The following SCG3 variants were observed in gnomAD, a reference collection of about 807,000 sequenced individuals.
The protein encoded by SCG3 is secretogranin III, also known as secretogranin-3.
SCG3 carries 38 observed loss-of-function variants against 56.2 expected under a neutral mutation model. The ratio of observed to expected loss-of-function variants is 0.68; its 90% CI spans 0.52 to 0.89. The LOEUF is 0.89. SCG3 is among the 40% of genes least tolerant of loss of function. SCG3 has a pLI of 0.00. For missense variants in SCG3, 524 were observed against 540.7 expected (o/e 0.97, Z 0.31); for synonymous variants, 176 against 184.2 (o/e 0.96, Z 0.36).
At chr15:51,683,565 AG>A (rs2055209753) in intron 4 of SCG3, 131 bp downstream of exon 4, 1 of 572,716 alleles carries the variant, frequency 1.7e-6, no homozygotes, top group South Asian at 2.6e-5. Flanking sequence ...ATTGAGATAA[AG>A]CATATATTTA....
At chr15:51,698,069 C>A (rs2055315693) in intron 8 of SCG3, among the ~76,000 whole-genome samples, 1 of 152,126 alleles carries the variant, frequency 6.6e-6, no homozygotes, top group Admixed American at 6.5e-5. Context: ...CAAATGTTGC[C>A]AGGTATGGCC....
chr15:51,691,110 A>G (rs1263967172), intron 6 of SCG3, among the ~76,000 whole-genome samples: 1 of 152,228 alleles, frequency 6.6e-6, no homozygotes, highest in African/African-American at 2.4e-5. Flanking sequence ...AGAACCGAAG[A>G]TCAAATAGGA....
intron 11 of SCG3, among the ~76,000 whole-genome samples, chr15:51,718,198 A>C (rs1385829585): frequency 8.3e-6 from 1 of 121,134 alleles, no homozygotes; most frequent in Non-Finnish European, 1.7e-5. Context: ...AGATAGATAG[A>C]TAGACAGACA....
intron 10 of SCG3, among the ~76,000 whole-genome samples, chr15:51,709,807 G>A (rs1343025772): frequency 2.3e-5 from 3 of 131,288 alleles, no homozygotes; most frequent in South Asian, 2.6e-4. Flanking sequence ...TGCAAGCTCC[G>A]CCTCCCGGGT....
chr15:51,712,402 C>T (rs1446482316), intron 10 of SCG3, among the ~76,000 whole-genome samples: 1 of 152,166 alleles, frequency 6.6e-6, no homozygotes, highest in East Asian at 1.9e-4. Context: ...TGCTGACTCC[C>T]TAAGCTTTAG....
chr15:51,706,809 A>G (rs1014178589), intron 10 of SCG3, among the ~76,000 whole-genome samples: 1 of 152,206 alleles, frequency 6.6e-6, no homozygotes, highest in African/African-American at 2.4e-5. Context: ...ATGATGAAAA[A>G]TGATACATTC....
intron 10 of SCG3, chr15:51,708,137 T>TACCTCA (rs1219259208): frequency 6.6e-6 from 1 of 152,204 alleles, no homozygotes; most frequent in Non-Finnish European, 1.5e-5. Flanking sequence ...TGTGCTCTAT[T>TACCTCA]ACCTCAGCCA....
chr15:51,706,973 TCAAC>T (rs1459545073), intron 10 of SCG3, among the ~76,000 whole-genome samples: 2 of 152,212 alleles, frequency 1.3e-5, no homozygotes, highest in East Asian at 3.8e-4. Context: ...TATTCTAACT[TCAAC>T]CAAATCTATA....
At chr15:51,704,394 C>T (rs1176991985) in intron 10 of SCG3, among the ~76,000 whole-genome samples, 4 of 150,450 alleles carry the variant, frequency 2.7e-5, no homozygotes, top group Non-Finnish European at 4.4e-5. Flanking sequence ...GTTTCTGTAC[C>T]GTCACCACCA....
Position 51,689,382 on chromosome 15 carries a change from T to TATATGC in SCG3, c.690+23_690+28dup, listed in dbSNP as rs1198752030. On this transcript the variant is annotated intron_variant, in intron 6 of 11. Coordinates refer to ENST00000220478, the MANE Select transcript of SCG3 (RefSeq NM_013243.4). ...CCAGAGAAAGTGGTATGTATGTGTA[T>TATATGC]ATATGCATATGCATGGGGGTGTGTG... The TATATGC allele has an allele frequency of 6.2e-7, 1 of 1,602,868 alleles. No individual in the cohort carries two copies. The highest frequency in any genetic ancestry group is 8.5e-7 in the Non-Finnish European group (1 of 1,174,604).
At chr15:51,684,484 G>A (rs1024081141) in intron 4 of SCG3, among the ~76,000 whole-genome samples, 4 of 152,206 alleles carry the variant, frequency 2.6e-5, no homozygotes, top group African/African-American at 9.6e-5. Flanking sequence ...GGCTGAGGCA[G>A]GAGAATCACT....
chr15:51,684,592 A>G (rs2124588), intron 4 of SCG3, among the ~76,000 whole-genome samples: 3,227 of 152,194 alleles, frequency 0.021, 90 homozygotes, highest in East Asian at 0.094. Context: ...AACAAACAAA[A>G]CAGGAAAACC....
At chr15:51,700,997 A>T in intron 9 of SCG3, 110 bp from the exon 10 acceptor site, 2 of 1,404,432 alleles carry the variant, frequency 1.4e-6, no homozygotes, top group Non-Finnish European at 1.9e-6. Flanking sequence ...TCAACTCAAA[A>T]TATGATCTGA....
chr15:51,696,776 C>T (rs2055306177), intron 8 of SCG3, among the ~76,000 whole-genome samples: 1 of 152,106 alleles, frequency 6.6e-6, no homozygotes, highest in Non-Finnish European at 1.5e-5. Context: ...TGAGAATTCA[C>T]TCACTATCGG....
At position 51,683,100 on chromosome 15, in the gene SCG3, A is replaced by G. The variant is rs1157187581; in HGVS notation, c.157A>G (p.Lys53Glu). 1.2e-6 allele frequency: 2 copies of G among 1,610,526 alleles called. No homozygotes were observed. Among genetic ancestry groups the G allele is most frequent in the South Asian group, 1.1e-5 (1 of 90,756 alleles). Residue 53 changes from lysine (K) to glutamate (E), a missense_variant, in exon 3 of 12, where the codon AAG (lysine) becomes GAG (glutamate). Physicochemically the swap from Lys to Glu is moderately conservative, Grantham distance 56 (BLOSUM62 1). Coordinates refer to ENST00000220478, the MANE Select transcript of SCG3 (RefSeq NM_013243.4). Reference protein sequence around the residue: ...NEQIAEAEEDKIKKTYPPENK... With the variant: ...NEQIAEAEEDEIKKTYPPENK... ...ACAGATTGCTGAAGCAGAAGAAGACAAGATTAAAAAAACATATCCTCCAGG... is the reference window on the plus strand; with the variant it reads ...ACAGATTGCTGAAGCAGAAGAAGACGAGATTAAAAAAACATATCCTCCAGG...
At chr15:51,711,177 T>C (rs553367224) in intron 10 of SCG3, among the ~76,000 whole-genome samples, 3 of 152,348 alleles carry the variant, frequency 2.0e-5, no homozygotes, top group Non-Finnish European at 4.4e-5. Flanking sequence ...TCATCCGTCA[T>C]CAGTTGAAGG....
At chr15:51,683,535 CT>C (rs1361140263) in intron 4 of SCG3, 101 bp downstream of exon 4, 8 of 734,478 alleles carry the variant, frequency 1.1e-5, no homozygotes, top group Non-Finnish European at 1.7e-5. Context: ...ATTCATAATC[CT>C]TTATTAGTCA....
intron 4 of SCG3, among the ~76,000 whole-genome samples, chr15:51,687,845 C>A (rs1322739097): frequency 6.6e-6 from 1 of 152,100 alleles, no homozygotes; most frequent in African/African-American, 2.4e-5. Context: ...GGGGATATTA[C>A]CAAACTATCT....
Position 51,690,670 on chromosome 15 carries a change from T to C in SCG3, c.690+1302T>C, listed in dbSNP as rs139061081. 6.9e-3 allele frequency among the ~76,000 whole-genome samples: 1,043 copies of C among 151,970 alleles called. 15 individuals are homozygous for C. Among genetic ancestry groups the C allele is most frequent in the African/African-American group, 0.024 (978 of 41,472 alleles). On this transcript the variant is annotated intron_variant, in intron 6 of 11. Transcript: ENST00000220478. ...GATTTATCAAAAAAAAAAACCCTTATGACTTTTGCTCAAGCTTACCAGTCT... is the reference window on the plus strand; with the variant it reads ...GATTTATCAAAAAAAAAAACCCTTACGACTTTTGCTCAAGCTTACCAGTCT...
Sources: gnomAD v4.1 joint callset for allele counts (sites outside exome capture counted in the v4.1 genomes callset) on GRCh38, gnomAD v4.1.1 for gene constraint, MANE v1.5 for transcripts, NCBI Gene and HGNC (gene_info 2026-07-23, HGNC 2026-07-21) for gene names.